The following HERC2 variants were observed in gnomAD, a reference collection of about 807,000 sequenced individuals.
HERC2 encodes E3 ubiquitin-protein ligase HERC2.
A neutral mutation model predicts 537.7 loss-of-function variants in HERC2; 102 were observed. The observed-to-expected ratio is 0.19, with a 90% confidence interval of 0.16 to 0.22. HERC2 has a LOEUF of 0.22. Ranked by LOEUF, HERC2 falls within the 10% of genes least tolerant of loss-of-function variation. HERC2 has a pLI of 1.00. For synonymous variants in HERC2, 2,224 were observed against 2,466.2 expected (o/e 0.90, Z 2.91); for missense variants, 4,236 against 6,198.2 (o/e 0.68, Z 10.63).
chr15:28,313,892 C>T (rs1349266995), intron 2 of HERC2, among the ~76,000 whole-genome samples: 1 of 152,080 alleles, frequency 6.6e-6, no homozygotes, highest in African/African-American at 2.4e-5. Flanking sequence ...AGAAGCAAAA[C>T]GGAGCTTCTG....
rs775496894 is a variant in HERC2 at position 28,175,702 on chromosome 15, G to A, written c.9687-46C>T. The A allele has an allele frequency of 7.5e-6, 12 of 1,596,980 alleles. No homozygotes were observed. In the South Asian group the frequency reaches 1.2e-4, roughly 16 times the overall value. The stretch of plus-strand genomic sequence containing the variant: ...GAGAGTTACAATACGGTTATGGTCT[G>A]ACAATGCTATACAAGAAGACACTCA... On this transcript the variant is annotated intron_variant, in intron 63 of 92. Coordinates refer to ENST00000261609, the MANE Select transcript of HERC2 (RefSeq NM_004667.6).
At chr15:28,306,201 G>A in intron 2 of HERC2, among the ~76,000 whole-genome samples, 1 of 152,224 alleles carries the variant, frequency 6.6e-6, no homozygotes, top group Non-Finnish European at 1.5e-5. Context: ...TACTAGCTGT[G>A]TGTCAGCTGT....
At chr15:28,262,853 C>T in intron 15 of HERC2, 65 bp downstream of exon 15, 1 of 1,513,126 alleles carries the variant, frequency 6.6e-7, no homozygotes, top group Middle Eastern at 1.8e-4. Context: ...ATAAAACCTG[C>T]TAACTTTAAA....
At chr15:28,282,125 G>C (rs1411594511) in intron 4 of HERC2, among the ~76,000 whole-genome samples, 3 of 152,166 alleles carry the variant, frequency 2.0e-5, no homozygotes, top group Admixed American at 2.0e-4. Flanking sequence ...GTAACCAGGG[G>C]CCTCTAGGCA....
intron 2 of HERC2, among the ~76,000 whole-genome samples, chr15:28,314,632 G>T (rs138986321): frequency 7.2e-5 from 11 of 152,182 alleles, no homozygotes; most frequent in Admixed American, 7.2e-4. Flanking sequence ...CAAGGCGGGC[G>T]GATCATGAGG....
At position 28,124,200 on chromosome 15, in the gene HERC2, G is replaced by A. The variant is rs778755806; in HGVS notation, c.13025C>T (p.Pro4342Leu). 1.3e-6 allele frequency: 2 copies of A among 1,538,330 alleles called. No homozygotes were observed. The highest frequency in any genetic ancestry group is 1.2e-5 in the South Asian group (1 of 80,236). Residue 4342 changes from proline (P) to leucine (L), a missense_variant, in exon 85 of 93, where the codon CCC becomes CTC. Around this residue, in one of 27 missense-constraint regions of HERC2, gnomAD observed 189 missense variants for 255.7 expected, o/e 0.74. Transcript: ENST00000261609. Reference sequence around the variant, plus strand: ...CAGACGGTTCCTCAGCGCAATGATGGGGATCTCCTGCAGGTGATTGTACTC... The same window carrying A: ...CAGACGGTTCCTCAGCGCAATGATGAGGATCTCCTGCAGGTGATTGTACTC... The part of the protein sequence containing the change: ...PMEYNHLQEI[P>L]IIALRNRLLL...
chr15:28,186,521 G>A (rs1896322886), intron 56 of HERC2, 56 bp downstream of exon 56: 1 of 1,417,960 alleles, frequency 7.1e-7, no homozygotes, highest in Non-Finnish European at 9.8e-7. Flanking sequence ...TTTCGAAAGT[G>A]AGGATCCAGG....
chr15:28,132,365 T>G, intron 80 of HERC2, 104 bp from the exon 81 acceptor site: 1 of 1,118,240 alleles, frequency 8.9e-7, no homozygotes, highest in Admixed American at 3.1e-5. Context: ...GGTACCTGTT[T>G]TAAGCCTTTA....
intron 4 of HERC2, among the ~76,000 whole-genome samples, chr15:28,281,725 A>G (rs1207132812): frequency 1.3e-5 from 2 of 152,194 alleles, no homozygotes; most frequent in African/African-American, 4.8e-5. Flanking sequence ...TGAATTGCAC[A>G]CTGGGCTCAA....
chr15:28,261,838 T>C (rs916749103), intron 15 of HERC2, among the ~76,000 whole-genome samples: 3 of 152,114 alleles, frequency 2.0e-5, no homozygotes, highest in East Asian at 3.9e-4. Context: ...ATAAAACTAA[T>C]GGAGAAGGGA....
intron 20 of HERC2, among the ~76,000 whole-genome samples, chr15:28,251,101 G>A (rs951217176): frequency 2.0e-5 from 3 of 152,122 alleles, no homozygotes; most frequent in Non-Finnish European, 2.9e-5. Flanking sequence ...GCCACCTGCC[G>A]AGGACACCAA....
Position 28,273,185 on chromosome 15 carries a change from C to T in HERC2, c.801-181G>A, listed in dbSNP as rs567665755. 4 of 616,998 alleles carry T rather than the reference C, an allele frequency of 6.5e-6. No individual in the cohort carries two copies. In the South Asian group the frequency reaches 7.8e-5, roughly 12 times the overall value. 38.2% of individuals were successfully genotyped at this position (616,998 alleles called of 1,614,324 possible). A position where few individuals can be genotyped will look rare whatever the true frequency, so the allele number is the denominator to read the frequency against. Reference sequence around the variant, plus strand: ...TCAGAGATTATAAGTGTACAATTAGCTTACACAACTATATTTTATTTAAAG... The same window carrying T: ...TCAGAGATTATAAGTGTACAATTAGTTTACACAACTATATTTTATTTAAAG... On this transcript the variant is annotated intron_variant, in intron 7 of 92. Transcript: ENST00000261609.
rs1319348722 is a variant in HERC2, at chr15:28,274,437, C to T, written c.654G>A (p.Ala218=). 3.1e-6 allele frequency: 5 copies of T among 1,610,752 alleles called. No homozygotes were observed. The highest frequency in any genetic ancestry group is 2.7e-5 in the African/African-American group (2 of 74,816). Residue 218 remains alanine, a synonymous_variant, in exon 7 of 93, where the codon GCG becomes GCA. Transcript: ENST00000261609. ...LRRAWRSGED[A]DLCSELLQES... is the part of the protein sequence containing the mutation. ...CCTGCAACAGCTCACTGCAGAGGTC[C>T]GCATCCTCGCCTGGGCGCACACACG...
intron 79 of HERC2, 120 bp downstream of exon 79, chr15:28,135,358 T>A (rs1225822490): frequency 8.0e-6 from 6 of 754,478 alleles, no homozygotes; most frequent in Non-Finnish European, 1.4e-5. Context: ...TTAACATTAT[T>A]TAGTTTGAGA....
At chr15:28,315,667 G>A (rs1408085016) in intron 2 of HERC2, 18 of 702,306 alleles carry the variant, frequency 2.6e-5, no homozygotes, top group Middle Eastern at 4.0e-4. Flanking sequence ...CGGCGTTAGC[G>A]CCATTTTCTT....
intron 23 of HERC2, among the ~76,000 whole-genome samples, chr15:28,241,057 A>C (rs1404225783): frequency 6.6e-6 from 1 of 152,196 alleles, no homozygotes; most frequent in Non-Finnish European, 1.5e-5. Flanking sequence ...GTTGGACTTG[A>C]TCAAAATCGA....
In HERC2 at chr15:28,254,647, A is replaced by ACAGG. The variant is rs965579287; in HGVS notation, c.2872-133_2872-130dup. 13 of 575,976 alleles carry ACAGG rather than the reference A, an allele frequency of 2.3e-5. No individual in the cohort carries two copies. In the African/African-American group the frequency reaches 2.5e-4, roughly 11 times the overall value. The allele number at this position is 575,976 out of a possible 1,614,324, so 35.7% of individuals were successfully genotyped here. On this transcript the variant is annotated intron_variant, in intron 19 of 92. Transcript: ENST00000261609. ...CTGTGGCTAATGCACACACCTACCC[A>ACAGG]CAGGCCCCCATCTGCCTTGTTGGAA...
rs142734218 is a variant in HERC2, at chr15:28,276,220, G to A, written c.543-1215C>T. Among the ~76,000 whole-genome samples the A allele has an allele frequency of 9.3e-3, 1,370 of 147,276 alleles. 11 individuals carry two copies. Among genetic ancestry groups the A allele is most frequent in the Middle Eastern group, 0.025 (7 of 282 alleles). ...AAAAAAAAAAAAAAAAAAAAAAAGAGGGTTGTTATAGAAGGATCTCCCCAA... is the reference window on the plus strand; with the variant it reads ...AAAAAAAAAAAAAAAAAAAAAAAGAAGGTTGTTATAGAAGGATCTCCCCAA... On this transcript the variant is annotated intron_variant, in intron 5 of 92. Transcript: ENST00000261609.
chr15:28,233,730 G>A lies in HERC2; in HGVS notation c.4285C>T (p.Pro1429Ser), dbSNP rs1218459478. The stretch of plus-strand genomic sequence containing the variant: ...CCGACCTCTTCCACGGGATGCTCGG[G>A]GGGAAACATGATCGGTGTGGTCAAA... Reference protein sequence around the residue: ...CHLTTPIMFPPEHPVEEVGRL... With the variant: ...CHLTTPIMFPSEHPVEEVGRL... Residue 1429 changes from proline to serine, a missense_variant, in exon 28 of 93, where the codon CCC becomes TCC. Around this residue, in one of 27 missense-constraint regions of HERC2, gnomAD observed 94 missense variants for 174.9 expected, o/e 0.54. Coordinates refer to ENST00000261609, the MANE Select transcript of HERC2 (RefSeq NM_004667.6). The A allele has an allele frequency of 3.1e-6, 5 of 1,613,238 alleles. No individual in the cohort carries two copies. Among genetic ancestry groups the A allele is most frequent in the Non-Finnish European group, 4.2e-6 (5 of 1,179,406 alleles).
Sources: allele counts gnomAD v4.1 joint callset (sites outside exome capture counted in the v4.1 genomes callset), GRCh38; gene constraint gnomAD v4.1.1; regional missense constraint gnomAD v4.1.1; transcripts MANE v1.5; gene names NCBI Gene and HGNC (gene_info 2026-07-23, HGNC 2026-07-21).